CROCC2: variants seen among roughly 807,000 people sequenced by gnomAD.
CROCC2 encodes ciliary rootlet coiled-coil, rootletin family member 2, also known as ciliary rootlet coiled-coil protein 2.
A neutral mutation model predicts 177.6 loss-of-function variants in CROCC2; 163 were observed. That is an observed-to-expected ratio of 0.92 (90% confidence interval 0.81 to 1.05). CROCC2 has a LOEUF of 1.05. Among genes scored for constraint, CROCC2 ranks in the 50% least tolerant of loss-of-function variants. The pLI, the probability that CROCC2 is intolerant of heterozygous loss-of-function variation, is 0.00. For synonymous variants in CROCC2, 904 were observed against 787.3 expected (o/e 1.15, Z -2.48); for missense variants, 1,929 against 1,797.8 (o/e 1.07, Z -1.32).
At chr2:240,938,491 G>A (rs2059481430) in intron 14 of CROCC2, among the ~76,000 whole-genome samples, 1 of 152,214 alleles carries the variant, frequency 6.6e-6, no homozygotes, top group Non-Finnish European at 1.5e-5. Context: ...AAATTGAGTA[G>A]TGTACACACA....
chr2:240,948,146 G>A (rs899223292), intron 15 of CROCC2, among the ~76,000 whole-genome samples: 34 of 152,114 alleles, frequency 2.2e-4, no homozygotes, highest in African/African-American at 8.0e-4. Flanking sequence ...TGTTGGGATG[G>A]GGGCCATGAG....
chr2:240,989,552 G>GT, intron 29 of CROCC2, 102 bp from the exon 30 acceptor site: 1 of 1,163,948 alleles, frequency 8.6e-7, no homozygotes, highest in Non-Finnish European at 1.2e-6. Flanking sequence ...AGGGCAGTGG[G>GT]GCCCACAAGG....
intron 20 of CROCC2, 112 bp downstream of exon 20, chr2:240,959,556 C>A: frequency 1.5e-6 from 2 of 1,356,680 alleles, no homozygotes; most frequent in Non-Finnish European, 2.0e-6. Flanking sequence ...GGCTGTACCA[C>A]AGAGAAGGGA....
At chr2:240,919,077 G>GGGACAGTC (rs2059340585) in intron 2 of CROCC2, among the ~76,000 whole-genome samples, 1 of 138,674 alleles carries the variant, frequency 7.2e-6, no homozygotes, top group East Asian at 2.8e-4. Flanking sequence ...TGGGCCCGGG[G>GGGACAGTC]CTGGGCAAGG....
At chr2:240,975,001 G>T (rs1461132386) in intron 27 of CROCC2, among the ~76,000 whole-genome samples, 1 of 152,066 alleles carries the variant, frequency 6.6e-6, no homozygotes, top group Non-Finnish European at 1.5e-5. Context: ...TGTCTGGGTG[G>T]ATCTTTGTTT....
rs569679091 is a variant in CROCC2, at chr2:240,906,380, C to T, written c.-134C>T. 22 of 397,600 alleles carry T rather than the reference C, an allele frequency of 5.5e-5. No homozygotes were observed. Among genetic ancestry groups the T allele is most frequent in the African/African-American group, 2.7e-4 (13 of 48,616 alleles). The allele number at this position is 397,600 out of a possible 1,614,324, so 24.6% of individuals were successfully genotyped here. ...GCAAGAGCAACTGGGTGCCCAGGCT[C>T]GGGACACAAGACTGCAGAGCCAGGT... On this transcript the variant is annotated 5_prime_UTR_variant, in exon 1 of 32. Coordinates refer to ENST00000690015, the MANE Select transcript of CROCC2 (RefSeq NM_001351305.2).
chr2:240,928,868 AG>A (rs10711501), intron 5 of CROCC2, among the ~76,000 whole-genome samples: 63,623 of 148,746 alleles, frequency 0.43, 14,668 homozygotes, highest in East Asian at 0.73. Flanking sequence ...TGCCCTCTGG[AG>A]GGTGTATGGC....
chr2:240,962,053 TACACTC>T (rs1403400654), intron 20 of CROCC2, among the ~76,000 whole-genome samples: 15 of 126,522 alleles, frequency 1.2e-4, no homozygotes, highest in Middle Eastern at 4.6e-3. Flanking sequence ...CGCACACACA[TACACTC>T]ACACTCACAC....
In CROCC2 at chr2:240,949,996, G is replaced by T. The variant is rs978852025; in HGVS notation, c.2652+294G>T. Among the ~76,000 whole-genome samples, 1 of 152,202 alleles carries T rather than the reference G, an allele frequency of 6.6e-6. No homozygotes were observed. Among genetic ancestry groups the T allele is most frequent in the African/African-American group, 2.4e-5 (1 of 41,444 alleles). The stretch of plus-strand genomic sequence containing the variant: ...GTCTGAAGGATGAGGGCTGGAGGGG[G>T]CCCCACACCCATTAGAGCCGTCCCA... On this transcript the variant is annotated intron_variant, in intron 17 of 31. Coordinates refer to ENST00000690015, the MANE Select transcript of CROCC2 (RefSeq NM_001351305.2). The surrounding 1 kb of genome is among the most constrained non-coding windows in gnomAD (Gnocchi z 4.5).
chr2:240,990,717 G>A (rs911003003), intron 30 of CROCC2, among the ~76,000 whole-genome samples: 2 of 152,132 alleles, frequency 1.3e-5, no homozygotes, highest in Non-Finnish European at 2.9e-5. Flanking sequence ...AGAGTAGCGG[G>A]GATTGCAGGC....
Position 240,968,234 on chromosome 2 carries a change from C to G in CROCC2, c.4373C>G (p.Ala1458Gly). The G allele has an allele frequency of 3.3e-6, 5 of 1,532,574 alleles. No homozygotes were observed. Among genetic ancestry groups the G allele is most frequent in the Non-Finnish European group, 4.4e-6 (5 of 1,145,166 alleles). 94.9% of individuals were successfully genotyped at this position (1,532,574 alleles called of 1,614,324 possible). ...LELEHLASVR[A>G]AGQEKRRLQE... is the part of the protein sequence containing the mutation. ...TTGGAGCACCTGGCGAGCGTGCGTG[C>G]GGCAGGCCAGGAGAAGCGGCGGCTG... Residue 1458 changes from alanine to glycine, a missense_variant, in exon 27 of 32, where the codon GCG becomes GGG. Transcript: ENST00000690015.
intron 25 of CROCC2, 93 bp downstream of exon 25, chr2:240,966,502 G>C (rs994502141): frequency 1.5e-5 from 6 of 398,162 alleles, no homozygotes; most frequent in Non-Finnish European, 2.7e-5. Context: ...GCGTCCCTGG[G>C]TCTGAGGGTC....
At chr2:240,937,424 T>C (rs756703208) in intron 14 of CROCC2, among the ~76,000 whole-genome samples, 5 of 152,238 alleles carry the variant, frequency 3.3e-5, no homozygotes, top group African/African-American at 4.8e-5. Flanking sequence ...ACAAGTACCT[T>C]GTCAGATACA....
chr2:240,952,263 C>T lies in CROCC2; in HGVS notation c.2829+1753C>T, dbSNP rs1375674773. Among the ~76,000 whole-genome samples, 6 of 142,148 alleles carry T rather than the reference C, an allele frequency of 4.2e-5. No homozygotes were observed. In the Admixed American group the frequency reaches 4.4e-4, roughly 11 times the overall value. The allele number at this position is 142,148 out of a possible 152,430, so 93.3% of individuals were successfully genotyped here. A position where few individuals can be genotyped will look rare whatever the true frequency, so the allele number is the denominator to read the frequency against. ...TCGGGAGGCTGAGGCAAGAGAATAA[C>T]TTGAACCCAGGAGGCAAGCTTGCAG... On this transcript the variant is annotated intron_variant, in intron 18 of 31. Transcript: ENST00000690015.
chr2:240,954,302 C>T (rs1233586218), intron 18 of CROCC2, among the ~76,000 whole-genome samples: 2 of 152,184 alleles, frequency 1.3e-5, no homozygotes, highest in Non-Finnish European at 2.9e-5. Flanking sequence ...AACAGGATGC[C>T]CTGTCTCAGA....
intron 5 of CROCC2, among the ~76,000 whole-genome samples, chr2:240,926,940 A>C (rs74000126): frequency 2.0e-5 from 3 of 152,214 alleles, no homozygotes; most frequent in African/African-American, 7.2e-5. Flanking sequence ...GGACCGCTGG[A>C]CAGGTCACCT....
intron 14 of CROCC2, 45 bp downstream of exon 14, chr2:240,935,633 T>C: frequency 7.5e-7 from 1 of 1,341,160 alleles, no homozygotes; most frequent in Non-Finnish European, 9.7e-7. Context: ...GGGATGCGGC[T>C]GGGTGGCAGG....
chr2:240,948,910 A>C (rs145480647), intron 15 of CROCC2, 69 bp from the exon 16 acceptor site: 86 of 1,424,012 alleles, frequency 6.0e-5, no homozygotes, highest in Non-Finnish European at 8.1e-5. Flanking sequence ...ACCTGTGTAA[A>C]GCTATAGAGA....
At position 240,949,807 on chromosome 2, in the gene CROCC2, C is replaced by T; in HGVS notation, c.2652+105C>T. On this transcript the variant is annotated intron_variant, in intron 17 of 31. Coordinates refer to ENST00000690015, the MANE Select transcript of CROCC2 (RefSeq NM_001351305.2). The surrounding 1 kb of genome is among the most constrained non-coding windows in gnomAD (Gnocchi z 4.5). Reference sequence around the variant, plus strand: ...GGCCCTGGGAGACAGAGCTCAGAGACATAGGCGCCTGGCCAGGGCTGGGCA... The same window carrying T: ...GGCCCTGGGAGACAGAGCTCAGAGATATAGGCGCCTGGCCAGGGCTGGGCA... 2.4e-6 allele frequency: 3 copies of T among 1,225,690 alleles called. No homozygotes were observed. The highest frequency in any genetic ancestry group is 3.4e-6 in the Non-Finnish European group (3 of 891,966). 75.9% of individuals were successfully genotyped at this position (1,225,690 alleles called of 1,614,324 possible). A position where few individuals can be genotyped will look rare whatever the true frequency, so the allele number is the denominator to read the frequency against.
Sources: gnomAD v4.1 joint callset for allele counts (sites outside exome capture counted in the v4.1 genomes callset) on GRCh38, gnomAD v4.1.1 for gene constraint, Gnocchi (gnomAD v3.1) non-coding constraint, MANE v1.5 for transcripts, NCBI Gene and HGNC (gene_info 2026-07-23, HGNC 2026-07-21) for gene names.